The following DNAH3 variants were observed in gnomAD, a reference collection of about 807,000 sequenced individuals.
DNAH3 encodes the protein axonemal beta dynein heavy chain 3.
In DNAH3, 332 loss-of-function variants were observed where a neutral mutation model predicts 432.5. The observed-to-expected ratio is 0.77, with a 90% CI of 0.70 to 0.84. The LOEUF (loss-of-function observed/expected upper bound fraction) is 0.84. Ranked by LOEUF, DNAH3 falls within the 40% of genes least tolerant of loss-of-function variation. The pLI, the probability that DNAH3 is intolerant of heterozygous loss-of-function variation, is 0.00. For synonymous variants in DNAH3, 1,956 were observed against 1,900.2 expected, an observed-to-expected ratio of 1.03 and a Z score of -0.76; for missense variants, 4,861 against 5,114.0, an observed-to-expected ratio of 0.95 and a Z score of 1.51.
rs1387515201 is a variant in DNAH3, at chr16:21,034,730, C to A, written c.5086-645G>T. On this transcript the variant is annotated intron_variant, in intron 35 of 61. Coordinates refer to ENST00000261383, the Ensembl canonical transcript of DNAH3. ...AGATTAAGTTCTTATTATTTTTCAC[C>A]TTGGAGGTGAGTAATAAGAAGCATC... Among the ~76,000 whole-genome samples, 4 of 152,230 alleles carry A rather than the reference C, an allele frequency of 2.6e-5. No individual in the cohort carries two copies. The East Asian group carries it at 5.8e-4, about 22-fold the overall frequency.
intron 47 of DNAH3, among the ~76,000 whole-genome samples, chr16:20,986,897 GAA>G (rs2086225851): frequency 2.6e-5 from 4 of 152,148 alleles, no homozygotes; most frequent in African/African-American, 9.7e-5. Context: ...TATGGAAATG[GAA>G]AAGAGAAAAT....
At chr16:21,072,225 A>AT (rs1394824612) in intron 21 of DNAH3, among the ~76,000 whole-genome samples, 1 of 143,272 alleles carries the variant, frequency 7.0e-6, no homozygotes, top group Non-Finnish European at 1.5e-5. Context: ...TGTTTAATTA[A>AT]TTAATTAATT....
Position 21,013,682 on chromosome 16 carries a change from G to A in DNAH3, c.6022+5942C>T, listed in dbSNP as rs2087717596. 2.2e-5 allele frequency among the ~76,000 whole-genome samples: 3 copies of A among 133,762 alleles called. No homozygotes were observed. In the South Asian group the frequency reaches 7.2e-4, roughly 32 times the overall value. The allele number at this position is 133,762 out of a possible 152,430, so 87.8% of individuals were successfully genotyped here. ...TACGATGAGCCAAGATCGTGCCATT[G>A]CACTCCAGCCTGGGCAACAAGAGTG... On this transcript the variant is annotated intron_variant, in intron 41 of 61. Coordinates refer to ENST00000261383, the Ensembl canonical transcript of DNAH3.
intron 60 of DNAH3, among the ~76,000 whole-genome samples, chr16:20,936,165 TC>T (rs66771091): frequency 0.28 from 41,819 of 149,914 alleles, 5,788 homozygotes; most frequent in Middle Eastern, 0.31. Flanking sequence ...ACATTTTTTT[TC>T]TTTTTAGACG....
chr16:21,153,923 A>C (rs2092881154), intron 1 of DNAH3, among the ~76,000 whole-genome samples: 1 of 152,088 alleles, frequency 6.6e-6, no homozygotes, highest in Admixed American at 6.6e-5. Context: ...GAGCTTTTCC[A>C]TCTCTTATAT....
At chr16:20,985,019 C>G (rs2086119943) in intron 48 of DNAH3, 30 bp downstream of exon 48, 2 of 1,547,116 alleles carry the variant, frequency 1.3e-6, no homozygotes, top group Non-Finnish European at 1.7e-6. Context: ...CCCAGAAGAA[C>G]AAGGGCAAAT....
At chr16:20,963,218 G>C (rs555122156) in intron 53 of DNAH3, 66 bp downstream of exon 53, 6 of 1,463,168 alleles carry the variant, frequency 4.1e-6, no homozygotes, top group Non-Finnish European at 5.6e-6. Flanking sequence ...TGTAAGGGAC[G>C]GGCTACTGAT....
At chr16:21,148,209 C>T (rs547014343) in intron 1 of DNAH3, among the ~76,000 whole-genome samples, 2 of 152,212 alleles carry the variant, frequency 1.3e-5, no homozygotes, top group Middle Eastern at 3.4e-3. Flanking sequence ...TTATCTCTCC[C>T]GGAGCACCTA....
At chr16:21,141,659 C>T (rs925327694) in intron 3 of DNAH3, among the ~76,000 whole-genome samples, 3 of 152,234 alleles carry the variant, frequency 2.0e-5, no homozygotes, top group African/African-American at 7.2e-5. Context: ...TTAATAACTG[C>T]TTGTTTCATG....
At chr16:21,142,818 T>G (rs1012064368) in intron 3 of DNAH3, among the ~76,000 whole-genome samples, 7 of 152,148 alleles carry the variant, frequency 4.6e-5, no homozygotes, top group Admixed American at 1.3e-4. Flanking sequence ...CACACCTGGC[T>G]AATTTTCCTA....
At position 20,942,421 on chromosome 16, in the gene DNAH3, G is replaced by A. The variant is rs550050818; in HGVS notation, c.11512-878C>T. Among the ~76,000 whole-genome samples, 10 of 152,306 alleles carry A rather than the reference G, an allele frequency of 6.6e-5. No individual in the cohort carries two copies. In the South Asian group the frequency reaches 2.1e-3, roughly 32 times the overall value. ...AGAGACAGACACCCTGTGGTCCTGT[G>A]GATGTGGGAGGCTGGGATGTATAAT... On this transcript the variant is annotated intron_variant, in intron 58 of 61. Coordinates refer to ENST00000261383, the Ensembl canonical transcript of DNAH3.
rs779239154 is a variant in DNAH3, at chr16:20,985,126, T to C, written c.7616A>G (p.Glu2539Gly). 1.2e-6 allele frequency: 2 copies of C among 1,614,178 alleles called. No individual in the cohort carries two copies. The highest frequency in any genetic ancestry group is 8.5e-7 in the Non-Finnish European group (1 of 1,180,032). ...AGAAAGAGGAGTGACTTCAACCTTC[T>C]CTCCTTGGGTCCTGGCTGCAGTCTG... The change falls in exon 48 of 62, where the codon GAG (glutamate) becomes GGG (glycine). Residue 2539 changes from glutamate (E) to glycine (G), a missense_variant. Glu to Gly is a moderately conservative substitution (Grantham distance 98, BLOSUM62 -2). Transcript: ENST00000261383.
intron 16 of DNAH3, among the ~76,000 whole-genome samples, chr16:21,101,211 G>A (rs1266994206): frequency 1.3e-5 from 2 of 152,128 alleles, no homozygotes; most frequent in Non-Finnish European, 2.9e-5. Context: ...TTATAATAAA[G>A]TGTTGACTAT....
intron 7 of DNAH3, among the ~76,000 whole-genome samples, chr16:21,133,130 T>C (rs1022719748): frequency 1.3e-5 from 2 of 151,858 alleles, no homozygotes; most frequent in African/African-American, 4.8e-5. Context: ...TGTGGGTGGA[T>C]TGCTTGAGCT....
chr16:21,110,103 G>C (rs2092036242), intron 14 of DNAH3, among the ~76,000 whole-genome samples: 1 of 152,208 alleles, frequency 6.6e-6, no homozygotes, highest in African/African-American at 2.4e-5. Flanking sequence ...GAGGAAGAGA[G>C]CTAGGATAAC....
At chr16:21,035,650 G>A (rs2089132464) in intron 35 of DNAH3, among the ~76,000 whole-genome samples, 1 of 152,154 alleles carries the variant, frequency 6.6e-6, no homozygotes, top group African/African-American at 2.4e-5. Context: ...TTTTCTGCAT[G>A]TTTAAAATTT....
At chr16:21,025,099 G>A (rs995263246) in intron 38 of DNAH3, among the ~76,000 whole-genome samples, 2 of 151,854 alleles carry the variant, frequency 1.3e-5, no homozygotes, top group Non-Finnish European at 2.9e-5. Flanking sequence ...TAACTTTTTT[G>A]TATTTTTAGT....
At chr16:20,971,339 G>A (rs745870612) in intron 51 of DNAH3, among the ~76,000 whole-genome samples, 15 of 152,040 alleles carry the variant, frequency 9.9e-5, no homozygotes, top group Non-Finnish European at 1.3e-4. Flanking sequence ...CTGTGCATTC[G>A]GTACCCTACT....
chr16:21,074,277 T>C (rs1287493734), intron 21 of DNAH3, among the ~76,000 whole-genome samples: 7 of 152,188 alleles, frequency 4.6e-5, no homozygotes, highest in Admixed American at 1.3e-4. Context: ...TCAATCTACA[T>C]TGCACATGAG....
Sources: allele counts gnomAD v4.1 joint callset (sites outside exome capture counted in the v4.1 genomes callset), GRCh38; gene constraint gnomAD v4.1.1; transcripts MANE v1.5; gene names NCBI Gene and HGNC (gene_info 2026-07-23, HGNC 2026-07-21).